Variants in IL13RA1 observed in about 807,000 individuals in gnomAD.
IL13RA1 encodes the protein interleukin-13 receptor subunit alpha-1.
A neutral mutation model predicts 33.8 loss-of-function variants in IL13RA1; 14 were observed. The observed-to-expected ratio is 0.41, with a 90% confidence interval of 0.27 to 0.65. IL13RA1 has a LOEUF of 0.65. Among genes scored for constraint, IL13RA1 ranks in the 30% least tolerant of loss-of-function variants. The pLI is 0.28. For missense variants in IL13RA1, 313 were observed against 327.0 expected, an observed-to-expected ratio of 0.96 and a Z score of 0.33; for synonymous variants, 116 against 115.7, an observed-to-expected ratio of 1.00 and a Z score of -0.02.
In IL13RA1 at chrX:118,770,603, G is replaced by A. The variant is rs781439913; in HGVS notation, c.1010-3276G>A. 1.3e-4 allele frequency: 61 copies of A among 470,170 alleles called. 1 individual carries two copies. In the Middle Eastern group the frequency reaches 5.1e-3, roughly 39 times the overall value. The allele number at this position is 470,170 out of a possible 1,213,427, so 38.7% of individuals were successfully genotyped here. On this transcript the variant is annotated intron_variant, in intron 8 of 10. Transcript: ENST00000371666. The stretch of plus-strand genomic sequence containing the variant: ...TTCCGCAAGCTGTACGGGCACATCC[G>A]CCAGGGCAACTACTCAGCTGGGCTG...
At chrX:118,732,312 C>CT (rs933783267) in intron 1 of IL13RA1, among the ~76,000 whole-genome samples, 1 of 110,514 alleles carries the variant, frequency 9.0e-6, no homozygotes, top group Admixed American at 9.7e-5. Context: ...TACTATTTGT[C>CT]TTTTTTGTGA....
intron 8 of IL13RA1, among the ~76,000 whole-genome samples, chrX:118,771,157 T>C (rs1034885604): frequency 3.6e-5 from 4 of 112,043 alleles, no homozygotes; most frequent in South Asian, 3.7e-4. Flanking sequence ...GGGATCCTTA[T>C]AGAGACTCAT....
At chrX:118,758,336 G>A (rs751010988) in intron 5 of IL13RA1, 94 bp downstream of exon 5, 70 of 424,807 alleles carry the variant, frequency 1.6e-4, no homozygotes, top group African/African-American at 1.6e-3. Context: ...ATCATTCTGG[G>A]TTTAAGATCT....
At chrX:118,735,661 C>T (rs2017273681) in intron 1 of IL13RA1, among the ~76,000 whole-genome samples, 1 of 111,783 alleles carries the variant, frequency 8.9e-6, no homozygotes, top group African/African-American at 3.3e-5. Flanking sequence ...GATGCTCCTG[C>T]CTCAGCCACC....
At chrX:118,791,640 G>T in intron 10 of IL13RA1, 122 bp from the exon 11 acceptor site, 1 of 300,418 alleles carries the variant, frequency 3.3e-6, no homozygotes, top group Non-Finnish European at 5.9e-6. Flanking sequence ...AAAAAAAACA[G>T]GAAATCATAC....
intron 2 of IL13RA1, among the ~76,000 whole-genome samples, chrX:118,743,407 A>G (rs186344319): frequency 2.0e-4 from 22 of 111,989 alleles, no homozygotes; most frequent in African/African-American, 4.9e-4. Flanking sequence ...GTTGAGAGAC[A>G]GGGATTTGCA....
intron 3 of IL13RA1, among the ~76,000 whole-genome samples, chrX:118,748,005 T>TG (rs1556362835): frequency 1.1e-5 from 1 of 88,877 alleles, no homozygotes; most frequent in South Asian, 5.2e-4. Context: ...AGAGTGAATG[T>TG]TGTGTGTGTG....
chrX:118,769,187 G>C (rs1260866740), intron 8 of IL13RA1, among the ~76,000 whole-genome samples: 2 of 112,691 alleles, frequency 1.8e-5, no homozygotes, highest in African/African-American at 6.4e-5. Context: ...TGAATATCAG[G>C]AGGCAGGAAT....
intron 10 of IL13RA1, among the ~76,000 whole-genome samples, chrX:118,784,123 A>C (rs76773653): frequency 9.0e-5 from 2 of 22,202 alleles, no homozygotes; most frequent in Admixed American, 1.6e-3. Flanking sequence ...ATATATGTAT[A>C]TATATGTATA....
chrX:118,795,232 AAAAAG>A (rs1380147974), downstream of IL13RA1, among the ~76,000 whole-genome samples: 6 of 100,696 alleles, frequency 6.0e-5, no homozygotes, highest in Non-Finnish European at 1.2e-4. Flanking sequence ...AAAAAAAAAG[AAAAAG>A]AAAAAAAAAT....
At chrX:118,803,858 C>T in the IL13RA1 span, among the ~76,000 whole-genome samples, 1 of 4,345 alleles carries the variant, frequency 2.3e-4, no homozygotes, top group Non-Finnish European at 3.8e-4. Flanking sequence ...TTCTCTTTTC[C>T]TTCCTTCCTT....
intron 8 of IL13RA1, among the ~76,000 whole-genome samples, chrX:118,769,600 A>G (rs746717132): frequency 3.5e-5 from 4 of 113,098 alleles, no homozygotes; most frequent in Non-Finnish European, 7.5e-5. Flanking sequence ...GTAACCAGTA[A>G]AATATGTAGT....
In IL13RA1 at chrX:118,728,069, A is replaced by G. The variant is rs903301910; in HGVS notation, c.88+343A>G. ...CGTGCGGGGGCGGGGGGCCCGAAAC[A>G]TGCCCACGGCGTCAGAGGGCCGTGG... On this transcript the variant is annotated intron_variant, in intron 1 of 10. Coordinates refer to ENST00000371666, the MANE Select transcript of IL13RA1 (RefSeq NM_001560.3). Among the ~76,000 whole-genome samples the G allele has an allele frequency of 4.4e-5, 5 of 112,720 alleles. No homozygotes were observed. The Admixed American group carries it at 4.6e-4, about 10-fold the overall frequency.
At chrX:118,763,441 A>G (rs1425108558) in intron 6 of IL13RA1, among the ~76,000 whole-genome samples, 1 of 112,375 alleles carries the variant, frequency 8.9e-6, no homozygotes, top group African/African-American at 3.2e-5. Context: ...ATTTTTAGTA[A>G]GTGGTAGAAT....
chrX:118,789,327 A>G (rs889974753), intron 10 of IL13RA1, among the ~76,000 whole-genome samples: 8 of 112,199 alleles, frequency 7.1e-5, no homozygotes, highest in Non-Finnish European at 1.5e-4. Flanking sequence ...ATTTTTTCAT[A>G]AGAAGCATAG....
At chrX:118,784,451 C>A (rs1016426279) in intron 10 of IL13RA1, among the ~76,000 whole-genome samples, 2 of 110,163 alleles carry the variant, frequency 1.8e-5, no homozygotes, top group Admixed American at 9.7e-5. Flanking sequence ...AAAAGAATTT[C>A]TGAACTTTTG....
chrX:118,774,518 C>T (rs1390491937), intron 9 of IL13RA1, among the ~76,000 whole-genome samples: 1 of 112,294 alleles, frequency 8.9e-6, no homozygotes, highest in African/African-American at 3.2e-5. Flanking sequence ...AGCACTGCTG[C>T]CTTTGCATGT....
chrX:118,789,033 A>G (rs2017950275), intron 10 of IL13RA1, among the ~76,000 whole-genome samples: 1 of 112,377 alleles, frequency 8.9e-6, no homozygotes. Flanking sequence ...CCAAAAGCTG[A>G]AACACTTCTG....
intron 8 of IL13RA1, chrX:118,770,431 C>T (rs1302154436): frequency 2.5e-6 from 1 of 398,620 alleles, no homozygotes; most frequent in African/African-American, 2.5e-5. Flanking sequence ...CAGCCTGGCA[C>T]TGGCCTTCCA....
Sources: gnomAD v4.1 joint callset for allele counts (sites outside exome capture counted in the v4.1 genomes callset) on GRCh38, gnomAD v4.1.1 for gene constraint, MANE v1.5 for transcripts, NCBI Gene and HGNC (gene_info 2026-07-23, HGNC 2026-07-21) for gene names.